LRRC4C: variants seen among roughly 807,000 people sequenced by gnomAD.
LRRC4C encodes the protein leucine rich repeat containing 4C.
A neutral mutation model predicts 33.6 loss-of-function variants in LRRC4C; 5 were observed. That is an observed-to-expected ratio of 0.15 (90% confidence interval 0.08 to 0.31). The LOEUF is 0.31. Ranked by LOEUF, LRRC4C falls within the 10% of genes least tolerant of loss-of-function variation. LRRC4C has a pLI of 1.00. For missense variants in LRRC4C, 560 were observed against 796.7 expected, an observed-to-expected ratio of 0.70 and a Z score of 3.58; for synonymous variants, 329 against 302.0, an observed-to-expected ratio of 1.09 and a Z score of -0.93.
intron 2 of LRRC4C, among the ~76,000 whole-genome samples, chr11:40,650,515 C>A (rs1942729032): frequency 6.6e-6 from 1 of 152,074 alleles, no homozygotes; most frequent in Non-Finnish European, 1.5e-5. Flanking sequence ...CTGCTATATC[C>A]AATGAAATGC....
At chr11:41,456,821 ATCTGGAGT>A (rs1590340460) in intron 1 of LRRC4C, among the ~76,000 whole-genome samples, 1 of 152,146 alleles carries the variant, frequency 6.6e-6, no homozygotes, top group African/African-American at 2.4e-5. Flanking sequence ...AAAGGCATGG[ATCTGGAGT>A]TGGTTCTGAT....
intron 3 of LRRC4C, among the ~76,000 whole-genome samples, chr11:40,348,893 T>C (rs1212075648): frequency 1.3e-5 from 2 of 152,202 alleles, no homozygotes; most frequent in African/African-American, 4.8e-5. Context: ...ATGTTAACAA[T>C]AGCTAAGATT....
At chr11:40,979,825 TATCTC>T (rs992033107) in intron 1 of LRRC4C, among the ~76,000 whole-genome samples, 1 of 152,196 alleles carries the variant, frequency 6.6e-6, no homozygotes, top group Non-Finnish European at 1.5e-5. Context: ...ATCCAACTAT[TATCTC>T]AGTAAAACAG....
At chr11:40,638,388 C>G (rs992482218) in intron 3 of LRRC4C, among the ~76,000 whole-genome samples, 1 of 152,176 alleles carries the variant, frequency 6.6e-6, no homozygotes, top group Non-Finnish European at 1.5e-5. Flanking sequence ...TGGAGAATTA[C>G]TGACTTCTGT....
chr11:40,924,501 G>A (rs1160383901), intron 2 of LRRC4C, among the ~76,000 whole-genome samples: 1 of 152,074 alleles, frequency 6.6e-6, no homozygotes, highest in East Asian at 1.9e-4. Flanking sequence ...GGCTGGGCAG[G>A]GAGGGGTGGG....
intron 2 of LRRC4C, among the ~76,000 whole-genome samples, chr11:40,820,117 G>T (rs1053518539): frequency 1.3e-5 from 2 of 151,904 alleles, no homozygotes; most frequent in African/African-American, 4.8e-5. Context: ...GAAATATAAT[G>T]AAACAGAAAA....
At chr11:41,294,714 A>G (rs1217290681) in intron 1 of LRRC4C, among the ~76,000 whole-genome samples, 1 of 152,210 alleles carries the variant, frequency 6.6e-6, no homozygotes, top group Non-Finnish European at 1.5e-5. Context: ...AATACGATCC[A>G]TGGCTATTTA....
At chr11:41,376,588 T>C (rs775404679) in intron 1 of LRRC4C, among the ~76,000 whole-genome samples, 3 of 152,194 alleles carry the variant, frequency 2.0e-5, no homozygotes, top group African/African-American at 4.8e-5. Context: ...TAAATTACTA[T>C]AACTCTCTAA....
intron 4 of LRRC4C, among the ~76,000 whole-genome samples, chr11:40,306,171 A>C (rs1305061268): frequency 6.6e-6 from 1 of 152,144 alleles, no homozygotes; most frequent in Admixed American, 6.5e-5. Context: ...TATTTTTTGG[A>C]AGTATATTAA....
intron 3 of LRRC4C, among the ~76,000 whole-genome samples, chr11:40,348,111 T>C (rs541071654): frequency 6.6e-6 from 1 of 152,146 alleles, no homozygotes; most frequent in African/African-American, 2.4e-5. Flanking sequence ...AATAGTAACA[T>C]CAAAGATCAC....
intron 2 of LRRC4C, among the ~76,000 whole-genome samples, chr11:40,692,669 C>T (rs767744270): frequency 6.6e-6 from 1 of 151,966 alleles, no homozygotes; most frequent in Non-Finnish European, 1.5e-5. Context: ...GGAAGTTAGG[C>T]CAATTTTTTG....
chr11:41,245,015 C>A (rs1948396334), intron 1 of LRRC4C, among the ~76,000 whole-genome samples: 1 of 152,184 alleles, frequency 6.6e-6, no homozygotes, highest in Non-Finnish European at 1.5e-5. Flanking sequence ...TCTGGAGTCA[C>A]CCTTCCTAGT....
At chr11:41,223,105 A>T (rs1322520001) in intron 1 of LRRC4C, 4 of 152,296 alleles carry the variant, frequency 2.6e-5, no homozygotes, top group East Asian at 3.9e-4. Flanking sequence ...ACAATTTATT[A>T]TTTAATTCAA....
chr11:40,544,310 A>G lies in LRRC4C; in HGVS notation c.-270+103832T>C, dbSNP rs74963565. ...GAGTAGATACTGGTTACATGAGGCT[A>G]AGGCATTTGGGATTTAAGAAGCGAA... On this transcript the variant is annotated intron_variant, in intron 3 of 6. Coordinates refer to ENST00000528697, the MANE Select transcript of LRRC4C (RefSeq NM_001258419.2). Among the ~76,000 whole-genome samples the G allele has an allele frequency of 9.7e-3, 1,477 of 152,150 alleles. 15 individuals carry two copies. The highest frequency in any genetic ancestry group is 0.03 in the African/African-American group (1,253 of 41,530).
chr11:41,351,236 T>C (rs1043761285), intron 1 of LRRC4C, among the ~76,000 whole-genome samples: 87 of 111,124 alleles, frequency 7.8e-4, no homozygotes, highest in Non-Finnish European at 2.7e-4. Flanking sequence ...CACACACACA[T>C]ACACACACAC....
chr11:41,400,705 A>T (rs1953992871), intron 1 of LRRC4C, among the ~76,000 whole-genome samples: 1 of 151,944 alleles, frequency 6.6e-6, no homozygotes, highest in Non-Finnish European at 1.5e-5. Context: ...GAACTGACCA[A>T]AGCATCTGAA....
chr11:40,132,524 AT>A (rs1015897584), intron 6 of LRRC4C, among the ~76,000 whole-genome samples: 105 of 152,262 alleles, frequency 6.9e-4, no homozygotes, highest in African/African-American at 2.5e-3. Context: ...CTGTTCCAGA[AT>A]TTTCTTTCAT....
Position 40,516,391 on chromosome 11 carries a change from A to T in LRRC4C, c.-270+131751T>A, listed in dbSNP as rs764437099. 5.9e-5 allele frequency among the ~76,000 whole-genome samples: 9 copies of T among 152,202 alleles called. No individual in the cohort carries two copies. In the East Asian group the frequency reaches 7.7e-4, roughly 13 times the overall value. On this transcript the variant is annotated intron_variant, in intron 3 of 6. Coordinates refer to ENST00000528697, the MANE Select transcript of LRRC4C (RefSeq NM_001258419.2). ...CTCATTATTTTCCAACTCCACTACC[A>T]AGTCTCCTATGTATGAACAAGATTG...
At chr11:40,220,849 C>A (rs1310065290) in intron 5 of LRRC4C, among the ~76,000 whole-genome samples, 1 of 149,058 alleles carries the variant, frequency 6.7e-6, no homozygotes, top group African/African-American at 2.4e-5. Context: ...AATTTTTTTT[C>A]AGCCTATTTC....
Sources: gnomAD v4.1 joint callset for allele counts (sites outside exome capture counted in the v4.1 genomes callset) on GRCh38, gnomAD v4.1.1 for gene constraint, MANE v1.5 for transcripts, NCBI Gene and HGNC (gene_info 2026-07-23, HGNC 2026-07-21) for gene names.